TRANK1: variants seen among roughly 807,000 people sequenced by gnomAD.
The protein encoded by TRANK1 is tetratricopeptide repeat and ankyrin repeat containing 1, also known as TPR and ankyrin repeat-containing protein 1.
TRANK1 carries 198 observed loss-of-function variants against 266.0 expected under a neutral mutation model. The observed-to-expected ratio is 0.74, with a 90% CI of 0.66 to 0.84. The LOEUF is 0.84. Ranked by LOEUF, TRANK1 falls within the 40% of genes least tolerant of loss-of-function variation. The probability of loss-of-function intolerance (pLI) is 0.00; values close to 1 mark genes in which losing one functional copy is unlikely to be tolerated. For missense variants in TRANK1, 3,326 were observed against 3,634.6 expected (o/e 0.92, Z 2.18); for synonymous variants, 1,396 against 1,384.1 (o/e 1.01, Z -0.19).
At chr3:36,896,195 T>C (rs2079787237) in intron 4 of TRANK1, among the ~76,000 whole-genome samples, 1 of 152,206 alleles carries the variant, frequency 6.6e-6, no homozygotes, top group South Asian at 2.1e-4. Context: ...TTTCATGGCA[T>C]ATCATGCAGT....
At chr3:36,885,744 T>C (rs1306286601) in intron 8 of TRANK1, among the ~76,000 whole-genome samples, 2 of 152,116 alleles carry the variant, frequency 1.3e-5, no homozygotes, top group African/African-American at 4.8e-5. Flanking sequence ...CTCACTATGT[T>C]GCCCAGGCTG....
chr3:36,847,217 T>C lies in TRANK1; in HGVS notation c.5017A>G (p.Asn1673Asp), dbSNP rs1180352973. 2 of 1,612,462 alleles carry C rather than the reference T, an allele frequency of 1.2e-6. No individual in the cohort carries two copies. Among genetic ancestry groups the C allele is most frequent in the Non-Finnish European group, 1.7e-6 (2 of 1,179,138 alleles). The change falls in exon 16 of 24, where the codon AAT becomes GAT. Residue 1673 changes from asparagine to aspartate, a missense_variant. Coordinates refer to ENST00000645898, the MANE Select transcript of TRANK1 (RefSeq NM_001329998.2). ...GSSQGRSLMV[N>D]PEMYKLLNGE... is the part of the protein sequence containing the mutation. Reference sequence around the variant, plus strand: ...AAATTCACCTTGTACATTTCTGGATTCACCATGAGAGATCGACCCTGAGAA... The same window carrying C: ...AAATTCACCTTGTACATTTCTGGATCCACCATGAGAGATCGACCCTGAGAA...
rs775731935 is a variant in TRANK1 at position 36,852,343 on chromosome 3, T to C, written c.4552A>G (p.Ile1518Val). The C allele has an allele frequency of 6.4e-7, 1 of 1,567,490 alleles. No individual in the cohort carries two copies. Among genetic ancestry groups the C allele is most frequent in the South Asian group, 1.2e-5 (1 of 83,152 alleles). ...LYQNYRSHSG[I>V]LNLASGVVDL... is the part of the protein sequence containing the mutation. The stretch of plus-strand genomic sequence containing the variant: ...ACCACTCCAGATGCCAGATTGAGGA[T>C]TCCTGGAATGAAACAGAAAACCCAA... The change falls in exon 14 of 24, where the codon ATC becomes GTC. Residue 1518 changes from isoleucine to valine, a missense_variant and splice_region_variant. By Grantham distance (29) the Ile-to-Val change is conservative. Coordinates refer to ENST00000645898, the MANE Select transcript of TRANK1 (RefSeq NM_001329998.2).
At chr3:36,883,270 G>A (rs906274849) in intron 8 of TRANK1, among the ~76,000 whole-genome samples, 10 of 151,830 alleles carry the variant, frequency 6.6e-5, no homozygotes, top group Admixed American at 6.6e-4. Context: ...GCAAAACTCT[G>A]TCTCTACCAA....
In TRANK1 at chr3:36,908,410, T is replaced by C; in HGVS notation, c.68A>G (p.Asn23Ser). Residue 23 changes from asparagine to serine, a missense_variant, in exon 2 of 24, where the codon AAC becomes AGC. Asn to Ser is a conservative substitution (Grantham distance 46, BLOSUM62 1). Transcript: ENST00000645898. ...GAAGTTCCCATTCTTAAGAACCTGG[T>C]TGCCGGATTCTTTCAGCAGCTCAGC... is the stretch of plus-strand genomic sequence containing the variant. ...AYAELLKESG[N>S]QVLKNGNFSL... is the part of the protein sequence containing the mutation. 1 of 1,232,248 alleles carries C rather than the reference T, an allele frequency of 8.1e-7. No individual in the cohort carries two copies. Among genetic ancestry groups the C allele is most frequent in the Non-Finnish European group, 1.0e-6 (1 of 988,016 alleles). The allele number at this position is 1,232,248 out of a possible 1,614,324, so 76.3% of individuals were successfully genotyped here.
At chr3:36,829,451 G>A in intron 23 of TRANK1, 113 bp downstream of exon 23, 2 of 914,936 alleles carry the variant, frequency 2.2e-6, no homozygotes, top group Non-Finnish European at 3.5e-6. Flanking sequence ...GACAGTGAGA[G>A]TCCACTATTG....
Position 36,895,680 on chromosome 3 carries a change from T to G in TRANK1, c.512A>C (p.Gln171Pro). ...CTTTGCCAACTTTTCTATTACAGAT[T>G]GCCACACTTCTGTTGGGAATCCAGT... ...FTTGFPTEVW[Q>P]SVIEKLAKKG... Residue 171 changes from glutamine to proline, a missense_variant, in exon 5 of 24, where the codon CAA becomes CCA. Physicochemically the swap from Gln to Pro is moderately conservative, Grantham distance 76 (BLOSUM62 -1). Coordinates refer to ENST00000645898, the MANE Select transcript of TRANK1 (RefSeq NM_001329998.2). 6.5e-7 allele frequency: 1 copy of G among 1,536,514 alleles called. No homozygotes were observed. Among genetic ancestry groups the G allele is most frequent in the South Asian group, 1.2e-5 (1 of 83,802 alleles).
At chr3:36,885,581 G>A (rs758956980) in intron 8 of TRANK1, among the ~76,000 whole-genome samples, 2 of 152,200 alleles carry the variant, frequency 1.3e-5, no homozygotes, top group Non-Finnish European at 2.9e-5. Context: ...AACTGACTGG[G>A]CTGAATGCAG....
In TRANK1 at chr3:36,833,779, T is replaced by C. The variant is rs778278124; in HGVS notation, c.5804A>G (p.Asp1935Gly). 1 of 1,614,034 alleles carries C rather than the reference T, an allele frequency of 6.2e-7. No homozygotes were observed. Among genetic ancestry groups the C allele is most frequent in the South Asian group, 1.1e-5 (1 of 91,086 alleles). Residue 1935 changes from aspartate to glycine, a missense_variant, in exon 22 of 24, where the codon GAC becomes GGC. Coordinates refer to ENST00000645898, the MANE Select transcript of TRANK1 (RefSeq NM_001329998.2). Reference protein sequence around the residue: ...KEMMAVLSKLDIEDQLVFLKS... With the variant: ...KEMMAVLSKLGIEDQLVFLKS... The stretch of plus-strand genomic sequence containing the variant: ...CAAGAACACCAGCTGGTCTTCTATG[T>C]CTAGCTTTGAGAGGACAGCCATCAT...
At chr3:36,861,704 C>CTTTTTT (rs375054559) in intron 10 of TRANK1, among the ~76,000 whole-genome samples, 1 of 124,132 alleles carries the variant, frequency 8.1e-6, no homozygotes, top group African/African-American at 3.1e-5. Context: ...GAGTAGAAAA[C>CTTTTTT]TTTTTTTTTT....
chr3:36,828,343 C>A lies in TRANK1; in HGVS notation c.8842G>T (p.Val2948Phe), dbSNP rs748755716. 11 of 1,499,810 alleles carry A rather than the reference C, an allele frequency of 7.3e-6. No individual in the cohort carries two copies. Among genetic ancestry groups the A allele is most frequent in the Middle Eastern group, 1.8e-4 (1 of 5,524 alleles). The allele number at this position is 1,499,810 out of a possible 1,614,324, so 92.9% of individuals were successfully genotyped here. The change falls in exon 24 of 24, where the codon GTT (valine) becomes TTT (phenylalanine). Residue 2948 changes from valine (V) to phenylalanine (F), a missense_variant. Coordinates refer to ENST00000645898, the MANE Select transcript of TRANK1 (RefSeq NM_001329998.2). The part of the protein sequence containing the change: ...IVQEDDYENE[V>F]EDFGELRPRR... ...GGCCGAAGCTCACCAAAGTCTTCAA[C>A]TTCATTTTCATAATCATCTTCCTGA...
chr3:36,898,306 C>T (rs1248347452), intron 4 of TRANK1, among the ~76,000 whole-genome samples: 8 of 151,852 alleles, frequency 5.3e-5, no homozygotes, highest in African/African-American at 1.5e-4. Flanking sequence ...AAAAGTTAGC[C>T]GGGCGGGGTG....
At chr3:36,898,204 G>A (rs2079821166) in intron 4 of TRANK1, among the ~76,000 whole-genome samples, 1 of 152,236 alleles carries the variant, frequency 6.6e-6, no homozygotes, top group Admixed American at 6.5e-5. Context: ...TGTAATCTCA[G>A]CACTTTAGGA....
intron 1 of TRANK1, among the ~76,000 whole-genome samples, chr3:36,916,468 C>T (rs1327866255): frequency 6.6e-6 from 1 of 152,154 alleles, no homozygotes; most frequent in Non-Finnish European, 1.5e-5. Context: ...GAGGCTGAGG[C>T]AGAATTGCTT....
chr3:36,847,923 T>G (rs1248666048), intron 15 of TRANK1, among the ~76,000 whole-genome samples: 1 of 152,210 alleles, frequency 6.6e-6, no homozygotes, highest in Admixed American at 6.5e-5. Flanking sequence ...TACTCAACTT[T>G]GTTGGGAAAA....
chr3:36,831,950 G>A lies in TRANK1; in HGVS notation c.7633C>T (p.Leu2545Phe), dbSNP rs2078701217. Residue 2545 changes from leucine to phenylalanine, a missense_variant, in exon 22 of 24, where the codon CTT becomes TTT. Transcript: ENST00000645898. This position sits in a 1 kb window ranked among gnomAD's most constrained non-coding sequence, Gnocchi z 5.0. ...TAGTCTATTTCACTGAAGGCATCAAGCAGGACGTTGAAGTTCACATTCTCA... is the reference window on the plus strand; with the variant it reads ...TAGTCTATTTCACTGAAGGCATCAAACAGGACGTTGAAGTTCACATTCTCA... The part of the protein sequence containing the change: ...GYENVNFNVL[L>F]DAFSEIDYVV... 2 of 1,613,936 alleles carry A rather than the reference G, an allele frequency of 1.2e-6. No homozygotes were observed. The highest frequency in any genetic ancestry group is 1.7e-5 in the Admixed American group (1 of 60,004).
chr3:36,872,674 G>A (rs1339564419), intron 9 of TRANK1, among the ~76,000 whole-genome samples: 1 of 152,160 alleles, frequency 6.6e-6, no homozygotes, highest in Non-Finnish European at 1.5e-5. Flanking sequence ...GATCTGGGAA[G>A]AGAAAAGGAG....
At chr3:36,861,927 G>C (rs145644228) in intron 10 of TRANK1, among the ~76,000 whole-genome samples, 1,621 of 151,940 alleles carry the variant, frequency 0.011, 70 homozygotes, top group East Asian at 0.085. Flanking sequence ...GGATGGTCTC[G>C]ATCTCCTGAC....
Position 36,842,671 on chromosome 3 carries a change from G to A in TRANK1, c.5231C>T (p.Ala1744Val), listed in dbSNP as rs568302969. The change falls in exon 18 of 24, where the codon GCG becomes GTG. Residue 1744 changes from alanine to valine, a missense_variant. Physicochemically the swap from Ala to Val is moderately conservative, Grantham distance 64. Transcript: ENST00000645898. Reference sequence around the variant, plus strand: ...GTAATCTCCCTGTGCAATCCACTCCGCAGGAGTTGAGGTCTTAACGAACAT... The same window carrying A: ...GTAATCTCCCTGTGCAATCCACTCCACAGGAGTTGAGGTCTTAACGAACAT... ...DSMFVKTSTP[A>V]EWIAQGDYYA... 85 of 1,613,794 alleles carry A rather than the reference G, an allele frequency of 5.3e-5. No individual in the cohort carries two copies. The highest frequency in any genetic ancestry group is 4.9e-4 in the Middle Eastern group (3 of 6,084).
Sources: gnomAD v4.1 joint callset for allele counts (sites outside exome capture counted in the v4.1 genomes callset) on GRCh38, gnomAD v4.1.1 for gene constraint, Gnocchi (gnomAD v3.1) non-coding constraint, MANE v1.5 for transcripts, NCBI Gene and HGNC (gene_info 2026-07-23, HGNC 2026-07-21) for gene names.